Variants in CC2D2B observed in about 807,000 individuals in gnomAD.
The protein encoded by CC2D2B is coiled-coil and C2 domain containing 2B, also known as protein CC2D2B.
A neutral mutation model predicts 161.2 loss-of-function variants in CC2D2B; 128 were observed. That is an observed-to-expected ratio of 0.79 (90% CI 0.69 to 0.92). The LOEUF is 0.92. Among genes scored for constraint, CC2D2B ranks in the 40% least tolerant of loss-of-function variants. The pLI is 0.00. For synonymous variants in CC2D2B, 391 were observed against 449.8 expected, an observed-to-expected ratio of 0.87 and a Z score of 1.65; for missense variants, 1,173 against 1,375.1, an observed-to-expected ratio of 0.85 and a Z score of 2.32.
intron 6 of CC2D2B, among the ~76,000 whole-genome samples, chr10:95,931,954 A>G (rs576527943): frequency 6.6e-6 from 1 of 152,316 alleles, no homozygotes; most frequent in East Asian, 1.9e-4. Flanking sequence ...TGTCTCATTC[A>G]TCTGTCTAAT....
In CC2D2B at chr10:96,014,798, G is replaced by A. The variant is rs373677237; in HGVS notation, c.3516+921G>A. On this transcript the variant is annotated intron_variant, in intron 29 of 34. Coordinates refer to ENST00000646931, the MANE Select transcript of CC2D2B (RefSeq NM_001349008.3). Reference sequence around the variant, plus strand: ...AGAACCTCCTTGACCTGACAATGAAGACTATTGTTATTCTGCCCTTAGCTC... The same window carrying A: ...AGAACCTCCTTGACCTGACAATGAAAACTATTGTTATTCTGCCCTTAGCTC... Among the ~76,000 whole-genome samples, 3 of 152,240 alleles carry A rather than the reference G, an allele frequency of 2.0e-5. No homozygotes were observed. In the East Asian group the frequency reaches 5.8e-4, roughly 29 times the overall value.
At chr10:95,956,448 A>C (rs949419776) in intron 11 of CC2D2B, among the ~76,000 whole-genome samples, 2 of 152,202 alleles carry the variant, frequency 1.3e-5, no homozygotes, top group African/African-American at 2.4e-5. Flanking sequence ...TACAAACAAG[A>C]TATAGTAAAT....
chr10:95,969,590 T>C (rs888676158), intron 15 of CC2D2B, among the ~76,000 whole-genome samples: 14 of 152,160 alleles, frequency 9.2e-5, no homozygotes, highest in Admixed American at 9.2e-4. Flanking sequence ...GAATTGTAGT[T>C]ACATATATAA....
intron 6 of CC2D2B, among the ~76,000 whole-genome samples, chr10:95,931,393 C>G (rs1323917776): frequency 6.6e-6 from 1 of 152,098 alleles, no homozygotes; most frequent in Non-Finnish European, 1.5e-5. Flanking sequence ...CAGTTCTGCT[C>G]TGATCTTAGT....
chr10:95,929,325 T>C (rs2098545414), intron 6 of CC2D2B, among the ~76,000 whole-genome samples: 1 of 152,162 alleles, frequency 6.6e-6, no homozygotes, highest in Non-Finnish European at 1.5e-5. Flanking sequence ...ATTGCAAAAA[T>C]TTTCTCCCAT....
At chr10:95,909,387 G>C (rs959885545) in intron 1 of CC2D2B, among the ~76,000 whole-genome samples, 4 of 152,148 alleles carry the variant, frequency 2.6e-5, no homozygotes, top group Non-Finnish European at 4.4e-5. Flanking sequence ...CATCATAACT[G>C]TGAATGAGAC....
At position 95,949,958 on chromosome 10, in the gene CC2D2B, C is replaced by A; in HGVS notation, c.864C>A (p.Tyr288Ter). The change falls in exon 10 of 35, where the codon TAC (tyrosine) becomes TAA (stop). Residue 288 changes from tyrosine (Y) to a stop codon, truncating the protein, a stop_gained. Coordinates refer to ENST00000646931, the MANE Select transcript of CC2D2B (RefSeq NM_001349008.3). LOFTEE classifies it high-confidence loss of function. ...MNKMEGSREI[Y>*]QLDLNIVGLQ... ...AAATGGAAGGTTCAAGGGAAATATA[C>A]CAGTTAGACCTCAACATTGTGGGTT... 1 of 398,636 alleles carries A rather than the reference C, an allele frequency of 2.5e-6. No homozygotes were observed. Among genetic ancestry groups the A allele is most frequent in the East Asian group, 3.6e-5 (1 of 28,002 alleles). The allele number at this position is 398,636 out of a possible 1,614,324, so 24.7% of individuals were successfully genotyped here. A position where few individuals can be genotyped will look rare whatever the true frequency, so the allele number is the denominator to read the frequency against.
intron 32 of CC2D2B, chr10:96,020,879 CAAAA>C (rs1368892752): frequency 1.3e-5 from 2 of 150,884 alleles, no homozygotes; most frequent in Non-Finnish European, 3.0e-5. Flanking sequence ...AAAATAAAAA[CAAAA>C]GAACTACCCG....
chr10:96,029,983 A>T (rs906791640), intron 34 of CC2D2B, among the ~76,000 whole-genome samples: 4 of 151,632 alleles, frequency 2.6e-5, no homozygotes, highest in African/African-American at 9.7e-5. Context: ...GCTAATTTTT[A>T]AAATATTTTT....
At chr10:95,913,301 T>C (rs902223111) in intron 2 of CC2D2B, 30 of 184,320 alleles carry the variant, frequency 1.6e-4, no homozygotes, top group Non-Finnish European at 2.7e-4. Context: ...TCATTCTTTT[T>C]TTTATGGCAG....
intron 33 of CC2D2B, among the ~76,000 whole-genome samples, chr10:96,026,011 C>T (rs2079756057): frequency 6.6e-6 from 1 of 152,114 alleles, no homozygotes; most frequent in Admixed American, 6.5e-5. Context: ...ATTAGAATCG[C>T]TTATAGAACT....
At chr10:96,013,953 T>G (rs977849009) in intron 29 of CC2D2B, 76 bp downstream of exon 29, 1 of 614,216 alleles carries the variant, frequency 1.6e-6, no homozygotes, top group African/African-American at 1.9e-5. Context: ...AAATATTATG[T>G]ATTTATGTAT....
intron 24 of CC2D2B, chr10:96,000,360 ATG>A (rs1339913180): frequency 7.3e-6 from 2 of 272,254 alleles, no homozygotes; most frequent in Non-Finnish European, 1.1e-5. Context: ...AATAAATAAA[ATG>A]TATTTATATA....
intron 2 of CC2D2B, 41 bp from the exon 3 acceptor site, chr10:95,921,975 A>C: frequency 3.5e-6 from 4 of 1,148,832 alleles, no homozygotes; most frequent in Non-Finnish European, 5.0e-6. Flanking sequence ...GTTCAGTGAC[A>C]AAACAAGATG....
At chr10:95,909,285 C>G (rs899899855) in intron 1 of CC2D2B, among the ~76,000 whole-genome samples, 1 of 152,162 alleles carries the variant, frequency 6.6e-6, no homozygotes, top group Non-Finnish European at 1.5e-5. Flanking sequence ...AAGTTAAATT[C>G]CACTTCTTCC....
intron 14 of CC2D2B, 75 bp from the exon 15 acceptor site, chr10:95,968,649 A>C (rs978374144): frequency 3.8e-6 from 2 of 531,092 alleles, no homozygotes; most frequent in African/African-American, 3.9e-5. Flanking sequence ...ACATGCTAAT[A>C]TACATTTTGA....
At position 95,927,286 on chromosome 10, in the gene CC2D2B, T is replaced by G; in HGVS notation, c.290T>G (p.Ile97Ser). The change falls in exon 6 of 35, where the codon ATT becomes AGT. Residue 97 changes from isoleucine (I) to serine (S), a missense_variant. This residue lies in a region of CC2D2B where 298 missense variants were observed against 261.2 expected (regional missense o/e 1.14). Coordinates refer to ENST00000646931, the MANE Select transcript of CC2D2B (RefSeq NM_001349008.3). ...TTGGATGAAAGTCTTTCATTTTTCA[T>G]TCTGAGTGGTGAAGAAGGTTCAGCT... is the stretch of plus-strand genomic sequence containing the variant. ...VSLDESLSFF[I>S]LSGEEGSALG... 6.4e-7 allele frequency: 1 copy of G among 1,551,982 alleles called. No individual in the cohort carries two copies. Among genetic ancestry groups the G allele is most frequent in the Non-Finnish European group, 8.7e-7 (1 of 1,146,876 alleles).
At chr10:95,957,749 TGG>T (rs2076619204) in intron 11 of CC2D2B, among the ~76,000 whole-genome samples, 1 of 150,842 alleles carries the variant, frequency 6.6e-6, no homozygotes, top group African/African-American at 2.4e-5. Flanking sequence ...TTAGTAGAGA[TGG>T]GGGTTCACCA....
intron 2 of CC2D2B, among the ~76,000 whole-genome samples, chr10:95,917,934 C>A (rs2098519655): frequency 6.6e-6 from 1 of 152,024 alleles, no homozygotes; most frequent in Non-Finnish European, 1.5e-5. Flanking sequence ...CACCACCACA[C>A]CTGGCTAATT....
Sources: allele counts gnomAD v4.1 joint callset (sites outside exome capture counted in the v4.1 genomes callset), GRCh38; gene constraint gnomAD v4.1.1; regional missense constraint gnomAD v4.1.1; transcripts MANE v1.5; gene names NCBI Gene and HGNC (gene_info 2026-07-23, HGNC 2026-07-21).